PTPRO: variants seen among roughly 807,000 people sequenced by gnomAD.
PTPRO encodes the protein receptor-type tyrosine-protein phosphatase O.
A neutral mutation model predicts 145.2 loss-of-function variants in PTPRO; 62 were observed. The ratio of observed to expected loss-of-function variants is 0.43; its 90% confidence interval spans 0.35 to 0.53. The LOEUF is 0.53. Among genes scored for constraint, PTPRO ranks in the 20% least tolerant of loss-of-function variants. The pLI is 0.01. For synonymous variants in PTPRO, 565 were observed against 514.7 expected (o/e 1.10, Z -1.32); for missense variants, 1,345 against 1,482.7 (o/e 0.91, Z 1.53).
intron 19 of PTPRO, among the ~76,000 whole-genome samples, chr12:15,573,248 T>C (rs1944100489): frequency 6.6e-6 from 1 of 152,166 alleles, no homozygotes. Context: ...GGAGGCAGAA[T>C]TCCTCCCTCC....
At chr12:15,548,851 T>A (rs1267401226) in intron 13 of PTPRO, among the ~76,000 whole-genome samples, 1 of 152,116 alleles carries the variant, frequency 6.6e-6, no homozygotes, top group Non-Finnish European at 1.5e-5. Flanking sequence ...TATATGTTCA[T>A]ACATCCATAA....
At chr12:15,481,546 GC>G (rs1241939208) in intron 1 of PTPRO, among the ~76,000 whole-genome samples, 1 of 152,116 alleles carries the variant, frequency 6.6e-6, no homozygotes, top group Non-Finnish European at 1.5e-5. Flanking sequence ...ACAGAAATCT[GC>G]CTAGGATCAA....
chr12:15,505,262 A>G (rs1390696380), intron 6 of PTPRO, among the ~76,000 whole-genome samples: 1 of 152,112 alleles, frequency 6.6e-6, no homozygotes, highest in Non-Finnish European at 1.5e-5. Flanking sequence ...AGCACAAAAC[A>G]CATAACTTAT....
At chr12:15,411,495 G>C (rs1939799651) in intron 1 of PTPRO, among the ~76,000 whole-genome samples, 1 of 152,194 alleles carries the variant, frequency 6.6e-6, no homozygotes, top group African/African-American at 2.4e-5. Context: ...AGGTGAGACT[G>C]CCTCTAGAGA....
At chr12:15,398,610 G>A (rs939089290) in intron 1 of PTPRO, among the ~76,000 whole-genome samples, 1 of 151,984 alleles carries the variant, frequency 6.6e-6, no homozygotes, top group African/African-American at 2.4e-5. Context: ...TGCCTAAGTA[G>A]GCATCTGGTA....
intron 6 of PTPRO, among the ~76,000 whole-genome samples, chr12:15,506,303 A>C (rs1942320302): frequency 6.6e-6 from 1 of 152,210 alleles, no homozygotes; most frequent in Admixed American, 6.5e-5. Context: ...TCAGATTTTC[A>C]AAAGCAATGA....
rs192744692 is a variant in PTPRO at position 15,455,116 on chromosome 12, G to A, written c.76-28858G>A. On this transcript the variant is annotated intron_variant, in intron 1 of 26. Coordinates refer to ENST00000281171, the MANE Select transcript of PTPRO (RefSeq NM_030667.3). ...ATTTTTCTATATCAGCCTACCTTCAGATATCAACACTTCCTTCTGTCAGAT... is the reference window on the plus strand; with the variant it reads ...ATTTTTCTATATCAGCCTACCTTCAAATATCAACACTTCCTTCTGTCAGAT... Among the ~76,000 whole-genome samples, 495 of 152,170 alleles carry A rather than the reference G, an allele frequency of 3.3e-3. 1 individual carries two copies. The highest frequency in any genetic ancestry group is 0.011 in the African/African-American group (476 of 41,510).
intron 1 of PTPRO, among the ~76,000 whole-genome samples, chr12:15,360,998 T>G (rs886885026): frequency 3.6e-5 from 5 of 137,200 alleles, no homozygotes; most frequent in African/African-American, 1.3e-4. Context: ...ACATAGTGTG[T>G]GTGTGTTTTA....
At chr12:15,411,888 G>A (rs1010011032) in intron 1 of PTPRO, among the ~76,000 whole-genome samples, 1 of 152,126 alleles carries the variant, frequency 6.6e-6, no homozygotes, top group Admixed American at 6.5e-5. Flanking sequence ...AGTTATATTA[G>A]CCCAGCAGCA....
At chr12:15,566,453 A>G (rs929285632) in intron 18 of PTPRO, among the ~76,000 whole-genome samples, 2 of 152,188 alleles carry the variant, frequency 1.3e-5, no homozygotes, top group African/African-American at 4.8e-5. Flanking sequence ...ATATAATTTT[A>G]TGGCATATAT....
chr12:15,513,087 A>T (rs373913040), intron 7 of PTPRO, among the ~76,000 whole-genome samples: 3 of 35,180 alleles, frequency 8.5e-5, no homozygotes, highest in Non-Finnish European at 2.0e-4. Context: ...AAAGAAAGAA[A>T]GAAAGAAGAA....
At chr12:15,561,981 A>G (rs1943785273) in intron 17 of PTPRO, among the ~76,000 whole-genome samples, 4 of 152,224 alleles carry the variant, frequency 2.6e-5, no homozygotes, top group East Asian at 3.9e-4. Context: ...TCTAATACCA[A>G]TCAAATAGCA....
intron 25 of PTPRO, among the ~76,000 whole-genome samples, chr12:15,593,272 T>C (rs1414066724): frequency 1.3e-5 from 2 of 152,224 alleles, no homozygotes; most frequent in South Asian, 4.1e-4. Context: ...ATTTTGTTTT[T>C]TGTATGAAGT....
chr12:15,531,574 C>A (rs368144297), intron 12 of PTPRO, among the ~76,000 whole-genome samples: 1 of 152,028 alleles, frequency 6.6e-6, no homozygotes, highest in African/African-American at 2.4e-5. Flanking sequence ...CCATTTATTG[C>A]GGTATACATT....
At chr12:15,337,194 ACT>A (rs1866793681) in intron 1 of PTPRO, among the ~76,000 whole-genome samples, 1 of 152,068 alleles carries the variant, frequency 6.6e-6, no homozygotes, top group African/African-American at 2.4e-5. Context: ...CTTCAGCAAG[ACT>A]ATCATTCATT....
intron 2 of PTPRO, among the ~76,000 whole-genome samples, chr12:15,485,209 C>A (rs111666485): frequency 0.034 from 5,121 of 152,110 alleles, 147 homozygotes; most frequent in Non-Finnish European, 0.044. Flanking sequence ...ACACATCTCT[C>A]AAAAATTAAT....
At chr12:15,592,552 C>T (rs572636502) in intron 25 of PTPRO, among the ~76,000 whole-genome samples, 1 of 152,132 alleles carries the variant, frequency 6.6e-6, no homozygotes, top group Non-Finnish European at 1.5e-5. Context: ...GTGACCTGCC[C>T]TCTTCCTCTT....
chr12:15,327,229 C>A (rs549065627), intron 1 of PTPRO, among the ~76,000 whole-genome samples: 114 of 152,174 alleles, frequency 7.5e-4, no homozygotes, highest in South Asian at 2.1e-3. Context: ...ATTAAAATAT[C>A]AGTTATTTTT....
Position 15,403,311 on chromosome 12 carries a change from G to A in PTPRO, c.75+80510G>A, listed in dbSNP as rs184451338. Among the ~76,000 whole-genome samples the A allele has an allele frequency of 2.6e-4, 39 of 152,222 alleles. No homozygotes were observed. The Middle Eastern group carries it at 0.01, about 40-fold the overall frequency. ...ATAAAAATACTTCTTGGCCAGGTGC[G>A]ATGGCTCACACCTGTAATTCCAACA... On this transcript the variant is annotated intron_variant, in intron 1 of 26. Coordinates refer to ENST00000281171, the MANE Select transcript of PTPRO (RefSeq NM_030667.3).
Sources: allele counts gnomAD v4.1 joint callset (sites outside exome capture counted in the v4.1 genomes callset), GRCh38; gene constraint gnomAD v4.1.1; transcripts MANE v1.5; gene names NCBI Gene and HGNC (gene_info 2026-07-23, HGNC 2026-07-21).